The following HDAC4 variants were observed in gnomAD, a reference collection of about 807,000 sequenced individuals.
The protein encoded by HDAC4 is histone deacetylase 4.
HDAC4 carries 16 observed loss-of-function variants against 135.1 expected under a neutral mutation model. The ratio of observed to expected loss-of-function variants is 0.12; its 90% CI spans 0.08 to 0.18. HDAC4 has a LOEUF of 0.18. Ranked by LOEUF, HDAC4 falls within the 10% of genes least tolerant of loss-of-function variation. The probability of loss-of-function intolerance (pLI) is 1.00; values close to 1 mark genes in which losing one functional copy is unlikely to be tolerated. For missense variants in HDAC4, 1,143 were observed against 1,511.8 expected (o/e 0.76, Z 4.05); for synonymous variants, 685 against 653.4 (o/e 1.05, Z -0.74).
intron 19 of HDAC4, 131 bp downstream of exon 19, chr2:239,087,428 A>G (rs1164261445): frequency 2.4e-6 from 2 of 849,164 alleles, no homozygotes; most frequent in Non-Finnish European, 3.8e-6. Context: ...CCAAGCCGGC[A>G]TGCGGCACAT....
chr2:239,288,093 A>T (rs559145045), intron 2 of HDAC4, among the ~76,000 whole-genome samples: 67 of 152,078 alleles, frequency 4.4e-4, no homozygotes, highest in African/African-American at 1.6e-3. Flanking sequence ...TTAAAAAAGG[A>T]AAATTACCGT....
chr2:239,290,841 A>C (rs1271927304), intron 2 of HDAC4, among the ~76,000 whole-genome samples: 2 of 152,236 alleles, frequency 1.3e-5, no homozygotes, highest in Non-Finnish European at 2.9e-5. Flanking sequence ...GGCCCACCTG[A>C]AAGTCCATGT....
At chr2:239,165,695 T>A (rs1235691375) in intron 5 of HDAC4, among the ~76,000 whole-genome samples, 1 of 152,214 alleles carries the variant, frequency 6.6e-6, no homozygotes, top group African/African-American at 2.4e-5. Flanking sequence ...TTACCAAGTC[T>A]CATGGACGCC....
intron 4 of HDAC4, among the ~76,000 whole-genome samples, chr2:239,178,152 GCTCTGCCACCTGCCTGCCTGGGAGAGCCT>G (rs1231069815): frequency 1.3e-5 from 2 of 152,194 alleles, no homozygotes; most frequent in African/African-American, 4.8e-5. Context: ...GGTGTGAGGA[GCTCTGCCACCTGCCTGCCTGGGAGAGCCT>G]CTCTGCCACC....
chr2:239,313,115 C>T lies in HDAC4; in HGVS notation c.22+39563G>A, dbSNP rs12478915. Among the ~76,000 whole-genome samples the T allele has an allele frequency of 1.3e-5, 2 of 152,284 alleles. No individual in the cohort carries two copies. Among genetic ancestry groups the T allele is most frequent in the African/African-American group, 4.8e-5 (2 of 41,566 alleles). Reference sequence around the variant, plus strand: ...GCTTGGGCTCTGTCCCGTGCCTCCCCGGGGGCGTTCCGAGGTGGCGGAGGA... The same window carrying T: ...GCTTGGGCTCTGTCCCGTGCCTCCCTGGGGGCGTTCCGAGGTGGCGGAGGA... On this transcript the variant is annotated intron_variant, in intron 2 of 26. Coordinates refer to ENST00000543185, the MANE Select transcript of HDAC4 (RefSeq NM_001378414.1). The surrounding 1 kb of genome is among the most constrained non-coding windows in gnomAD (Gnocchi z 5.1).
At chr2:239,120,383 G>A (rs1348146553) in intron 12 of HDAC4, among the ~76,000 whole-genome samples, 1 of 26,200 alleles carries the variant, frequency 3.8e-5, no homozygotes. Context: ...ACCCGCAGAG[G>A]CACACACAGA....
At position 239,352,670 on chromosome 2, in the gene HDAC4, G is replaced by C. The variant is rs10168694; in HGVS notation, c.22+8C>G. 2 of 1,554,618 alleles carry C rather than the reference G, an allele frequency of 1.3e-6. No homozygotes were observed. Among genetic ancestry groups the C allele is most frequent in the African/African-American group, 2.7e-5 (2 of 73,176 alleles). On this transcript the variant is annotated splice_region_variant and intron_variant, in intron 2 of 26. Transcript: ENST00000543185. The surrounding 1 kb of genome is among the most constrained non-coding windows in gnomAD (Gnocchi z 4.4). The stretch of plus-strand genomic sequence containing the variant: ...TGTGTGCCCAGAGAAGAAATGACCC[G>C]GCCTTACCTGGATGGCTTTGGGAGC...
intron 2 of HDAC4, among the ~76,000 whole-genome samples, chr2:239,322,761 G>A (rs1251919186): frequency 6.6e-6 from 1 of 152,152 alleles, no homozygotes; most frequent in African/African-American, 2.4e-5. Flanking sequence ...CTGCCCGGGT[G>A]TGGGTAGCCT....
At chr2:239,298,614 G>A (rs900554987) in intron 2 of HDAC4, 24 of 996,636 alleles carry the variant, frequency 2.4e-5, no homozygotes, top group Non-Finnish European at 2.2e-5. Context: ...AGGATCAGCA[G>A]TGATAGGAAC....
chr2:239,215,655 C>G (rs1458843393), intron 3 of HDAC4, among the ~76,000 whole-genome samples: 1 of 152,190 alleles, frequency 6.6e-6, no homozygotes, highest in African/African-American at 2.4e-5. Context: ...TGCCACACCT[C>G]TCTCTAATCT....
At position 239,331,840 on chromosome 2, in the gene HDAC4, C is replaced by A. The variant is rs1165421575; in HGVS notation, c.22+20838G>T. 1.3e-5 allele frequency among the ~76,000 whole-genome samples: 2 copies of A among 152,086 alleles called. No homozygotes were observed. The highest frequency in any genetic ancestry group is 2.9e-5 in the Non-Finnish European group (2 of 68,030). On this transcript the variant is annotated intron_variant, in intron 2 of 26. Coordinates refer to ENST00000543185, the MANE Select transcript of HDAC4 (RefSeq NM_001378414.1). The surrounding 1 kb of genome is among the most constrained non-coding windows in gnomAD (Gnocchi z 4.5). ...CGCGTGTCCTCCAGAGGCTGAGGAG[C>A]GGAGCAGCACCGGACGGCTCGGACC... is the stretch of plus-strand genomic sequence containing the variant.
intron 5 of HDAC4, among the ~76,000 whole-genome samples, chr2:239,174,182 T>C (rs2043614594): frequency 6.6e-6 from 1 of 152,104 alleles, no homozygotes; most frequent in Non-Finnish European, 1.5e-5. Context: ...ACTGAAACTG[T>C]ATTAGAAGGG....
At chr2:239,222,435 G>A (rs1317794717) in intron 3 of HDAC4, among the ~76,000 whole-genome samples, 2 of 146,068 alleles carry the variant, frequency 1.4e-5, no homozygotes, top group Middle Eastern at 3.7e-3. Flanking sequence ...AGCAAGAGCT[G>A]AAAATAAAAA....
In HDAC4 at chr2:239,303,497, G is replaced by A. The variant is rs907638096; in HGVS notation, c.22+49181C>T. 1.3e-5 allele frequency among the ~76,000 whole-genome samples: 2 copies of A among 151,916 alleles called. No individual in the cohort carries two copies. The highest frequency in any genetic ancestry group is 2.9e-5 in the Non-Finnish European group (2 of 68,000). On this transcript the variant is annotated intron_variant, in intron 2 of 26. Coordinates refer to ENST00000543185, the MANE Select transcript of HDAC4 (RefSeq NM_001378414.1). This position sits in a 1 kb window ranked among gnomAD's most constrained non-coding sequence, Gnocchi z 5.1. ...ACAAGACACGGCAGCGTGCTTCCTCGATCTCCCCGCTCCTTTCTCGGGACA... is the reference window on the plus strand; with the variant it reads ...ACAAGACACGGCAGCGTGCTTCCTCAATCTCCCCGCTCCTTTCTCGGGACA...
intron 1 of HDAC4, among the ~76,000 whole-genome samples, chr2:239,371,574 C>T (rs978422809): frequency 9.9e-5 from 15 of 152,030 alleles, no homozygotes; most frequent in Non-Finnish European, 1.5e-4. Context: ...CACAGTGTAA[C>T]ACACCCACAG....
chr2:239,283,679 T>C (rs1220988599), intron 2 of HDAC4, among the ~76,000 whole-genome samples: 9 of 152,204 alleles, frequency 5.9e-5, no homozygotes. Flanking sequence ...TTCGTTTTCA[T>C]AACGGCTGTG....
chr2:239,076,164 G>A (rs2034737212), intron 22 of HDAC4, among the ~76,000 whole-genome samples: 1 of 151,706 alleles, frequency 6.6e-6, no homozygotes, highest in South Asian at 2.1e-4. Flanking sequence ...ACTCTCCTGG[G>A]CTTCCCAGGG....
chr2:239,179,379 G>C, intron 4 of HDAC4, among the ~76,000 whole-genome samples: 1 of 152,324 alleles, frequency 6.6e-6, no homozygotes, highest in Non-Finnish European at 1.5e-5. Flanking sequence ...GAGCATTCCC[G>C]CCAGAGCTCA....
intron 2 of HDAC4, among the ~76,000 whole-genome samples, chr2:239,249,726 G>T (rs544978923): frequency 3.3e-5 from 5 of 152,046 alleles, no homozygotes; most frequent in Non-Finnish European, 7.4e-5. Context: ...CATCCTGGGA[G>T]GGGCTCTAAT....
Sources: gnomAD v4.1 joint callset for allele counts (sites outside exome capture counted in the v4.1 genomes callset) on GRCh38, gnomAD v4.1.1 for gene constraint, Gnocchi (gnomAD v3.1) non-coding constraint, MANE v1.5 for transcripts, NCBI Gene and HGNC (gene_info 2026-07-23, HGNC 2026-07-21) for gene names.